The following COX7B2 variants were observed in gnomAD, a reference collection of about 807,000 sequenced individuals.
COX7B2 encodes the protein cytochrome c oxidase subunit 7B2, mitochondrial.
For synonymous variants in COX7B2, 37 were observed against 32.1 expected, an observed-to-expected ratio of 1.15 and a Z score of -0.51; for missense variants, 109 against 95.9, an observed-to-expected ratio of 1.14 and a Z score of -0.57.
At position 46,734,950 on chromosome 4, in the gene COX7B2, C is replaced by T. The variant is rs905302386; in HGVS notation, c.243G>A (p.Gln81=). The T allele has an allele frequency of 1.9e-6, 3 of 1,613,992 alleles. No individual in the cohort carries two copies. The highest frequency in any genetic ancestry group is 2.5e-6 in the Non-Finnish European group (3 of 1,179,934). Reference sequence around the variant, plus strand: ...GTCATTACAGCAACTGTGATGGTTACTGATGTTTCCACTCTTTTGGGGTAA... The same window carrying T: ...GTCATTACAGCAACTGTGATGGTTATTGATGTTTCCACTCTTTTGGGGTAA... ...GRVTPKEWKH[Q] The change falls in exon 3 of 3, where the codon CAG becomes CAA. Residue 81 remains glutamine, a synonymous_variant. Coordinates refer to ENST00000355591, the MANE Select transcript of COX7B2 (RefSeq NM_130902.3).
At chr4:46,886,331 T>C (rs1719080720) in intron 1 of COX7B2, among the ~76,000 whole-genome samples, 1 of 152,208 alleles carries the variant, frequency 6.6e-6, no homozygotes, top group Admixed American at 6.5e-5. Context: ...ATACAATGTG[T>C]AATGATTAAA....
chr4:46,859,006 A>G (rs1208704114), intron 1 of COX7B2, among the ~76,000 whole-genome samples: 3 of 152,208 alleles, frequency 2.0e-5, no homozygotes. Flanking sequence ...ACCTCAAACT[A>G]GATCTGTCAA....
chr4:46,906,973 T>C lies in COX7B2; in HGVS notation c.-105+2187A>G, dbSNP rs1045213292. On this transcript the variant is annotated intron_variant, in intron 1 of 2. Coordinates refer to ENST00000355591, the MANE Select transcript of COX7B2 (RefSeq NM_130902.3). Reference sequence around the variant, plus strand: ...CTATGTTACCTTGAAAACCACCTAATGACACTTTGTAAGTTCAACAGATTT... The same window carrying C: ...CTATGTTACCTTGAAAACCACCTAACGACACTTTGTAAGTTCAACAGATTT... Among the ~76,000 whole-genome samples the C allele has an allele frequency of 2.6e-5, 4 of 152,358 alleles. No individual in the cohort carries two copies. The South Asian group carries it at 8.3e-4, about 32-fold the overall frequency.
At chr4:46,775,181 C>T (rs1349815412) in intron 2 of COX7B2, among the ~76,000 whole-genome samples, 2 of 151,900 alleles carry the variant, frequency 1.3e-5, no homozygotes, top group Non-Finnish European at 2.9e-5. Flanking sequence ...ACTAAGAAAA[C>T]AGAAGTTATT....
Position 46,817,374 on chromosome 4 carries a change from A to G in COX7B2, c.-50+27586T>C, listed in dbSNP as rs568948099. Among the ~76,000 whole-genome samples the G allele has an allele frequency of 2.8e-4, 42 of 152,316 alleles. 1 individual carries two copies. The highest frequency in any genetic ancestry group is 8.7e-4 in the African/African-American group (36 of 41,568). On this transcript the variant is annotated intron_variant, in intron 2 of 2. Transcript: ENST00000355591. ...AAGACATTGAGGTTTTCAGGATATA[A>G]ATGTAGCTACAAGGTCAATAGAAAA...
intron 1 of COX7B2, among the ~76,000 whole-genome samples, chr4:46,847,167 CCTT>C (rs149240721): frequency 0.017 from 2,522 of 152,176 alleles, 59 homozygotes; most frequent in African/African-American, 0.057. Context: ...ATTATCCTCA[CCTT>C]CTCGTGTTCA....
intron 2 of COX7B2, among the ~76,000 whole-genome samples, chr4:46,737,069 G>C (rs995291551): frequency 1.3e-5 from 2 of 152,124 alleles, no homozygotes; most frequent in African/African-American, 4.8e-5. Flanking sequence ...GTTCCCACCA[G>C]CACTGAATGA....
chr4:46,837,485 G>A (rs1475981717), intron 2 of COX7B2, among the ~76,000 whole-genome samples: 1 of 151,942 alleles, frequency 6.6e-6, no homozygotes, highest in Non-Finnish European at 1.5e-5. Flanking sequence ...GTGACTAAAA[G>A]CACATTACAT....
At chr4:46,769,370 G>A (rs529479777) in intron 2 of COX7B2, among the ~76,000 whole-genome samples, 1 of 152,206 alleles carries the variant, frequency 6.6e-6, no homozygotes, top group East Asian at 1.9e-4. Flanking sequence ...AGGTTAATAA[G>A]GACTTATCCC....
intron 1 of COX7B2, among the ~76,000 whole-genome samples, chr4:46,872,516 C>A (rs1179961521): frequency 2.6e-5 from 4 of 152,122 alleles, no homozygotes; most frequent in African/African-American, 7.2e-5. Flanking sequence ...CTCTTGAATT[C>A]TTTCCCAAGC....
intron 2 of COX7B2, among the ~76,000 whole-genome samples, chr4:46,762,477 T>C (rs1273324629): frequency 7.1e-6 from 1 of 139,950 alleles, no homozygotes; most frequent in Non-Finnish European, 1.5e-5. Flanking sequence ...GTACTATATA[T>C]ACTATATATT....
chr4:46,821,424 A>G (rs1714278910), intron 2 of COX7B2, among the ~76,000 whole-genome samples: 1 of 152,220 alleles, frequency 6.6e-6, no homozygotes, highest in Non-Finnish European at 1.5e-5. Context: ...CTATGCTTGA[A>G]CTGACATAAA....
intron 1 of COX7B2, among the ~76,000 whole-genome samples, chr4:46,874,189 C>T (rs929102996): frequency 7.9e-5 from 12 of 152,192 alleles, no homozygotes; most frequent in Admixed American, 6.5e-4. Flanking sequence ...GACCAAAATA[C>T]ATGCATAATT....
At chr4:46,835,422 G>T (rs191847803) in intron 2 of COX7B2, among the ~76,000 whole-genome samples, 1 of 151,822 alleles carries the variant, frequency 6.6e-6, no homozygotes, top group Non-Finnish European at 1.5e-5. Flanking sequence ...TACGAGATAC[G>T]CAAACAAGTC....
At chr4:46,844,227 G>T (rs1026412694) in intron 2 of COX7B2, among the ~76,000 whole-genome samples, 1 of 151,760 alleles carries the variant, frequency 6.6e-6, no homozygotes, top group Non-Finnish European at 1.5e-5. Flanking sequence ...AAATTTTATC[G>T]CAATATATAA....
rs76469403 is a variant in COX7B2 at position 46,783,526 on chromosome 4, A to G, written c.-49-48285T>C. On this transcript the variant is annotated intron_variant, in intron 2 of 2. Coordinates refer to ENST00000355591, the MANE Select transcript of COX7B2 (RefSeq NM_130902.3). ...TACTTGCCCTATTCTGACATTTTGA[A>G]AATAAGCTCACTGAATAAACCCTGG... Among the ~76,000 whole-genome samples, 208 of 152,312 alleles carry G rather than the reference A, an allele frequency of 1.4e-3. 7 individuals carry two copies. The East Asian group carries it at 0.037, about 27-fold the overall frequency.
chr4:46,908,667 G>C (rs1000322022), intron 1 of COX7B2, among the ~76,000 whole-genome samples: 15 of 149,430 alleles, frequency 1.0e-4, no homozygotes, highest in African/African-American at 3.7e-4. Context: ...AGATGTCAGA[G>C]TGAGAGGAAG....
chr4:46,791,482 T>G (rs932797781), intron 2 of COX7B2, among the ~76,000 whole-genome samples: 1 of 152,240 alleles, frequency 6.6e-6, no homozygotes, highest in East Asian at 1.9e-4. Context: ...CTGGACAAAC[T>G]GGTAAATAAC....
At chr4:46,857,129 G>A (rs1307167095) in intron 1 of COX7B2, among the ~76,000 whole-genome samples, 1 of 152,206 alleles carries the variant, frequency 6.6e-6, no homozygotes, top group Admixed American at 6.5e-5. Flanking sequence ...TAAGGGCACA[G>A]AACTGGAGCC....
Sources: allele counts gnomAD v4.1 joint callset (sites outside exome capture counted in the v4.1 genomes callset), GRCh38; gene constraint gnomAD v4.1.1; transcripts MANE v1.5; gene names NCBI Gene and HGNC (gene_info 2026-07-23, HGNC 2026-07-21).